STRN: variants seen among roughly 807,000 people sequenced by gnomAD.
STRN encodes protein phosphatase 2 regulatory subunit B'''alpha.
Under a neutral mutation model 96.3 loss-of-function variants are expected in STRN, and 53 were observed. The observed-to-expected ratio is 0.55, with a 90% CI of 0.44 to 0.69. STRN has a LOEUF of 0.69. Among genes scored for constraint, STRN ranks in the 30% least tolerant of loss-of-function variants. The pLI is 0.00. For missense variants in STRN, 987 were observed against 963.9 expected (o/e 1.02, Z -0.32); for synonymous variants, 428 against 355.9 (o/e 1.20, Z -2.28).
At chr2:36,913,773 A>G (rs896077298) in intron 3 of STRN, among the ~76,000 whole-genome samples, 11 of 152,252 alleles carry the variant, frequency 7.2e-5, no homozygotes, top group Admixed American at 3.3e-4. Context: ...CATACTGAGA[A>G]TAACTAGGTA....
intron 5 of STRN, among the ~76,000 whole-genome samples, chr2:36,901,505 T>C (rs1669682642): frequency 7.0e-6 from 1 of 143,464 alleles, no homozygotes; most frequent in Non-Finnish European, 1.5e-5. Flanking sequence ...TGAGCTGAGA[T>C]GGCGCCACTG....
In STRN at chr2:36,966,470, C is replaced by T; in HGVS notation, c.-7G>A. 1.4e-6 allele frequency: 2 copies of T among 1,443,648 alleles called. No individual in the cohort carries two copies. Among genetic ancestry groups the T allele is most frequent in the East Asian group, 6.1e-5 (2 of 32,596 alleles). The allele number at this position is 1,443,648 out of a possible 1,614,324, so 89.4% of individuals were successfully genotyped here. Reference sequence around the variant, plus strand: ...GACCCGCCTGCTCGTCCATGGCGGCCGCAGATACCCGGGGAGCTGCCCCGG... The same window carrying T: ...GACCCGCCTGCTCGTCCATGGCGGCTGCAGATACCCGGGGAGCTGCCCCGG... On this transcript the variant is annotated 5_prime_UTR_variant, in exon 1 of 18. Transcript: ENST00000263918.
At chr2:36,917,551 AAAG>A (rs1326079013) in intron 2 of STRN, among the ~76,000 whole-genome samples, 4 of 151,066 alleles carry the variant, frequency 2.6e-5, no homozygotes, top group African/African-American at 9.7e-5. Context: ...AAAAAAAAAA[AAAG>A]AAAAAAAGAA....
intron 1 of STRN, among the ~76,000 whole-genome samples, chr2:36,930,922 G>C (rs1290335117): frequency 6.6e-6 from 1 of 151,886 alleles, no homozygotes; most frequent in Non-Finnish European, 1.5e-5. Flanking sequence ...TGTAATCCCA[G>C]CTACTCTGGC....
chr2:36,937,525 C>T (rs1670735506), intron 1 of STRN, among the ~76,000 whole-genome samples: 2 of 151,548 alleles, frequency 1.3e-5, no homozygotes, highest in Admixed American at 6.6e-5. Flanking sequence ...AATAACTTAG[C>T]GGAGCATGGT....
chr2:36,957,431 T>A lies in STRN; in HGVS notation c.234+8799A>T, dbSNP rs546670508. ...GGCAAAACCTCGTCTCTACTAAAAA[T>A]ACAAAAATTAGCCAGGCGTGGTGGT... On this transcript the variant is annotated intron_variant, in intron 1 of 17. Coordinates refer to ENST00000263918, the MANE Select transcript of STRN (RefSeq NM_003162.4). Among the ~76,000 whole-genome samples, 9 of 151,976 alleles carry A rather than the reference T, an allele frequency of 5.9e-5. No individual in the cohort carries two copies. The South Asian group carries it at 1.9e-3, about 32-fold the overall frequency.
chr2:36,913,348 C>G (rs1334194840), intron 3 of STRN, among the ~76,000 whole-genome samples: 1 of 152,204 alleles, frequency 6.6e-6, no homozygotes. Context: ...CCACTACTAT[C>G]CAGGTATCCC....
intron 15 of STRN, among the ~76,000 whole-genome samples, chr2:36,854,233 ATATT>A (rs1161792844): frequency 6.6e-6 from 1 of 152,204 alleles, no homozygotes; most frequent in Non-Finnish European, 1.5e-5. Context: ...TTTGAGTCAT[ATATT>A]TAAACATGAT....
At chr2:36,930,909 G>A (rs112919689) in intron 1 of STRN, among the ~76,000 whole-genome samples, 6 of 151,956 alleles carry the variant, frequency 3.9e-5, no homozygotes, top group East Asian at 1.9e-4. Context: ...GGTGGCAAGC[G>A]CCTGTAATCC....
Position 36,838,811 on chromosome 2 carries a change from T to C in STRN, c.*10645A>G, listed in dbSNP as rs1449294959. On this transcript the variant is annotated 3_prime_UTR_variant, in exon 18 of 18. Coordinates refer to ENST00000263918, the MANE Select transcript of STRN (RefSeq NM_003162.4). ...AATAAAAAGGAAATAAGAGCTATGA[T>C]AGACTTAGAGAAATTCTCATCCTAC... Among the ~76,000 whole-genome samples, 1 of 152,198 alleles carries C rather than the reference T, an allele frequency of 6.6e-6. No homozygotes were observed. The highest frequency in any genetic ancestry group is 1.5e-5 in the Non-Finnish European group (1 of 68,020).
At chr2:36,948,040 T>C (rs146325668) in intron 1 of STRN, among the ~76,000 whole-genome samples, 1 of 147,218 alleles carries the variant, frequency 6.8e-6, no homozygotes, top group East Asian at 2.0e-4. Context: ...CCCCTCATCC[T>C]ATAGAATGAT....
In STRN at chr2:36,848,002, C is replaced by T. The variant is rs1386870261; in HGVS notation, c.*1454G>A. On this transcript the variant is annotated 3_prime_UTR_variant, in exon 18 of 18. Coordinates refer to ENST00000263918, the MANE Select transcript of STRN (RefSeq NM_003162.4). ...CTAGATTGGTCTCTGTCATTTGGGA[C>T]AAAGAGTAAGAGAGACATAAACCAC... 1 of 152,050 alleles carries T rather than the reference C, an allele frequency of 6.6e-6. No homozygotes were observed. Among genetic ancestry groups the T allele is most frequent in the Non-Finnish European group, 1.5e-5 (1 of 68,008 alleles). The allele number at this position is 152,050 out of a possible 1,614,324, so 9.4% of individuals were successfully genotyped here.
chr2:36,939,704 T>A (rs897254361), intron 1 of STRN, among the ~76,000 whole-genome samples: 1 of 152,194 alleles, frequency 6.6e-6, no homozygotes, highest in East Asian at 1.9e-4. Flanking sequence ...TTTTTAAAGT[T>A]CATTTTGCCA....
intron 4 of STRN, among the ~76,000 whole-genome samples, chr2:36,904,550 G>A (rs187687106): frequency 6.6e-6 from 1 of 152,254 alleles, no homozygotes; most frequent in African/African-American, 2.4e-5. Context: ...AAGTTGACCG[G>A]GCATGGTGGC....
At chr2:36,860,514 G>A (rs1185380035) in intron 13 of STRN, among the ~76,000 whole-genome samples, 1 of 152,190 alleles carries the variant, frequency 6.6e-6, no homozygotes, top group Non-Finnish European at 1.5e-5. Context: ...TATGACAAAT[G>A]TGATACTTCA....
intron 1 of STRN, among the ~76,000 whole-genome samples, chr2:36,956,779 C>G (rs1330604654): frequency 9.9e-5 from 15 of 152,180 alleles, no homozygotes; most frequent in South Asian, 4.1e-4. Flanking sequence ...AGGCACATCT[C>G]TTGATAAAGA....
intron 1 of STRN, 35 bp downstream of exon 1, chr2:36,966,195 C>G: frequency 1.3e-6 from 2 of 1,504,604 alleles, no homozygotes; most frequent in Non-Finnish European, 1.8e-6. Context: ...AGCAAAGAGG[C>G]GGGATGAAGA....
intron 1 of STRN, among the ~76,000 whole-genome samples, chr2:36,937,814 C>T (rs1384303371): frequency 6.6e-6 from 1 of 151,926 alleles, no homozygotes; most frequent in African/African-American, 2.4e-5. Context: ...AAGAAACTTA[C>T]AGGCTATGAC....
chr2:36,918,123 G>A (rs2148221677), intron 2 of STRN, among the ~76,000 whole-genome samples: 1 of 152,156 alleles, frequency 6.6e-6, no homozygotes, highest in East Asian at 1.9e-4. Context: ...AAATTATTTA[G>A]AACATCTATT....
Sources: gnomAD v4.1 joint callset for allele counts (sites outside exome capture counted in the v4.1 genomes callset) on GRCh38, gnomAD v4.1.1 for gene constraint, MANE v1.5 for transcripts, NCBI Gene and HGNC (gene_info 2026-07-23, HGNC 2026-07-21) for gene names.